Variants in DHDDS observed in about 807,000 individuals in gnomAD.
DHDDS encodes the protein dehydrodolichyl diphosphate synthase complex subunit DHDDS.
DHDDS carries 16 observed loss-of-function variants against 46.2 expected under a neutral mutation model. That is an observed-to-expected ratio of 0.35 (90% CI 0.23 to 0.53). The LOEUF is 0.53. Ranked by LOEUF, DHDDS falls within the 20% of genes least tolerant of loss-of-function variation. The pLI is 0.94. For synonymous variants in DHDDS, 151 were observed against 163.1 expected, an observed-to-expected ratio of 0.93 and a Z score of 0.56; for missense variants, 340 against 423.7, an observed-to-expected ratio of 0.80 and a Z score of 1.73.
At chr1:26,468,260 T>G (rs1485596042) in intron 8 of DHDDS, among the ~76,000 whole-genome samples, 1 of 152,126 alleles carries the variant, frequency 6.6e-6, no homozygotes, top group Non-Finnish European at 1.5e-5. Flanking sequence ...ATCAGGCTGG[T>G]CTTCATACAG....
Position 26,470,967 on chromosome 1 carries a change from T to C in DHDDS, c.*1836T>C, listed in dbSNP as rs2075550690. The C allele has an allele frequency of 6.6e-6, 1 of 152,458 alleles. No individual in the cohort carries two copies. Among genetic ancestry groups the C allele is most frequent in the South Asian group, 2.1e-4 (1 of 4,834 alleles). 9.4% of individuals were successfully genotyped at this position (152,458 alleles called of 1,614,324 possible). On this transcript the variant is annotated 3_prime_UTR_variant, in exon 9 of 9. Coordinates refer to ENST00000236342, the MANE Select transcript of DHDDS (RefSeq NM_205861.3). ...ATTGGGGTACAGTAGAGGTGATTAATGGGGCTGGCATCTCTCTTTGGCCTG... is the reference window on the plus strand; with the variant it reads ...ATTGGGGTACAGTAGAGGTGATTAACGGGGCTGGCATCTCTCTTTGGCCTG...
intron 8 of DHDDS, among the ~76,000 whole-genome samples, chr1:26,468,160 A>G (rs532944305): frequency 6.6e-6 from 1 of 152,270 alleles, no homozygotes; most frequent in South Asian, 2.1e-4. Flanking sequence ...GAACACTAAC[A>G]CTTATTCTAC....
rs928446379 is a variant in DHDDS at position 26,468,984 on chromosome 1, G to T, written c.855G>T (p.Gly285=). The part of the protein sequence containing the change: ...ATVTEQLLRE[G]LQASGDAQLR... Reference sequence around the variant, plus strand: ...TGACAGAGCAGCTGCTGCGAGAGGGGCTCCAAGCCAGTGGGGACGCCCAGC... The same window carrying T: ...TGACAGAGCAGCTGCTGCGAGAGGGTCTCCAAGCCAGTGGGGACGCCCAGC... Residue 285 remains glycine (G), a synonymous_variant, in exon 9 of 9, where the codon GGG becomes GGT. Transcript: ENST00000236342. 3 of 1,614,152 alleles carry T rather than the reference G, an allele frequency of 1.9e-6. No homozygotes were observed. Among genetic ancestry groups the T allele is most frequent in the South Asian group, 2.2e-5 (2 of 91,080 alleles).
intron 6 of DHDDS, among the ~76,000 whole-genome samples, chr1:26,451,820 G>A (rs555418935): frequency 2.0e-5 from 3 of 151,744 alleles, no homozygotes; most frequent in East Asian, 3.9e-4. Flanking sequence ...TAGTAGAGAC[G>A]GGTTTCACCA....
At chr1:26,468,723 T>A (rs1384754874) in intron 8 of DHDDS, among the ~76,000 whole-genome samples, 172 bp from the exon 9 acceptor site, 1 of 152,120 alleles carries the variant, frequency 6.6e-6, no homozygotes, top group Admixed American at 6.5e-5. Context: ...CTGTACAACA[T>A]GAGCACCACC....
chr1:26,468,819 C>CCCAAACA, intron 8 of DHDDS, 76 bp from the exon 9 acceptor site: 1 of 1,518,804 alleles, frequency 6.6e-7, no homozygotes, highest in Non-Finnish European at 9.0e-7. Context: ...GTGCCCCACC[C>CCCAAACA]CCTACCTCCT....
At chr1:26,457,469 CAAATAAAT>C (rs578033799) in intron 6 of DHDDS, among the ~76,000 whole-genome samples, 2 of 142,500 alleles carry the variant, frequency 1.4e-5, no homozygotes, top group African/African-American at 2.6e-5. Flanking sequence ...GACTCTATCT[CAAATAAAT>C]AAATAAATAA....
At chr1:26,460,954 A>G (rs974487659) in intron 8 of DHDDS, among the ~76,000 whole-genome samples, 1 of 151,630 alleles carries the variant, frequency 6.6e-6, no homozygotes, top group Non-Finnish European at 1.5e-5. Flanking sequence ...GCTCACTGCA[A>G]CCTCCCCCTC....
At chr1:26,438,940 T>C (rs1186126633) in intron 3 of DHDDS, among the ~76,000 whole-genome samples, 1 of 152,208 alleles carries the variant, frequency 6.6e-6, no homozygotes, top group Non-Finnish European at 1.5e-5. Context: ...ATTTTGGTTT[T>C]GTTTATTTGT....
At chr1:26,447,245 A>C (rs975752788) in intron 5 of DHDDS, among the ~76,000 whole-genome samples, 1 of 152,114 alleles carries the variant, frequency 6.6e-6, no homozygotes, top group African/African-American at 2.4e-5. Context: ...GCTTGAACCC[A>C]GGAGGCAGAG....
At chr1:26,467,785 G>A (rs2075507521) in intron 8 of DHDDS, among the ~76,000 whole-genome samples, 1 of 152,212 alleles carries the variant, frequency 6.6e-6, no homozygotes, top group East Asian at 1.9e-4. Flanking sequence ...CTCACACATG[G>A]AATAGGTTTG....
chr1:26,438,353 C>A, intron 3 of DHDDS, 69 bp downstream of exon 3: 1 of 1,416,580 alleles, frequency 7.1e-7, no homozygotes, highest in Non-Finnish European at 1.0e-6. Context: ...GAAAACCAGG[C>A]TCTGAGTTTG....
chr1:26,460,113 TGCAGTTCCA>T lies in DHDDS; in HGVS notation c.736_744del (p.Gln246_Gln248del). ...TTTTGGAACCTCTTCGAGGCCATCCTGCAGTTCCAGATGAACCATAGCGTGCTTCAGGTA... is the reference window on the plus strand; with the variant it reads ...TTTTGGAACCTCTTCGAGGCCATCCTGATGAACCATAGCGTGCTTCAGGTA... On this transcript the variant is annotated inframe_deletion, in exon 8 of 9. Coordinates refer to ENST00000236342, the MANE Select transcript of DHDDS (RefSeq NM_205861.3). The T allele has an allele frequency of 6.2e-7, 1 of 1,614,198 alleles. No individual in the cohort carries two copies.
At position 26,437,341 on chromosome 1, in the gene DHDDS, C is replaced by T. The variant is rs116505724; in HGVS notation, c.64-827C>T. Among the ~76,000 whole-genome samples, 582 of 152,238 alleles carry T rather than the reference C, an allele frequency of 3.8e-3. 1 individual carries two copies. The highest frequency in any genetic ancestry group is 0.013 in the African/African-American group (536 of 41,548). ...TGGCATGTAGTACGTGCTCAGTAAA[C>T]ACGTAAATAAAAATAAGTAGGCCAG... On this transcript the variant is annotated intron_variant, in intron 2 of 8. Coordinates refer to ENST00000236342, the MANE Select transcript of DHDDS (RefSeq NM_205861.3).
At chr1:26,448,193 CTTTTTTTTTT>C (rs11300095) in intron 6 of DHDDS, 1 of 121,318 alleles carries the variant, frequency 8.2e-6, no homozygotes, top group Non-Finnish European at 1.7e-5. Flanking sequence ...TTTTTCTTTT[CTTTTTTTTTT>C]TTTTTTTTGG....
chr1:26,440,818 C>T (rs963581666), intron 3 of DHDDS, among the ~76,000 whole-genome samples: 1 of 152,130 alleles, frequency 6.6e-6, no homozygotes, highest in Non-Finnish European at 1.5e-5. Context: ...CTGTTGTCTA[C>T]GTTTAACCTC....
At chr1:26,467,886 G>A (rs1379908457) in intron 8 of DHDDS, among the ~76,000 whole-genome samples, 1 of 152,218 alleles carries the variant, frequency 6.6e-6, no homozygotes, top group Non-Finnish European at 1.5e-5. Context: ...CCTTGGTTCT[G>A]CTCCAAAGGG....
At chr1:26,450,521 G>A (rs1167818373) in intron 6 of DHDDS, among the ~76,000 whole-genome samples, 2 of 152,168 alleles carry the variant, frequency 1.3e-5, no homozygotes, top group African/African-American at 2.4e-5. Context: ...TTTACTGGCT[G>A]GGTAGAGGAG....
chr1:26,437,475 C>CTT (rs1274583292), intron 2 of DHDDS, among the ~76,000 whole-genome samples: 2 of 144,396 alleles, frequency 1.4e-5, no homozygotes. Context: ...AACACACCAT[C>CTT]TTTTTTTTTT....
Sources: gnomAD v4.1 joint callset for allele counts (sites outside exome capture counted in the v4.1 genomes callset) on GRCh38, gnomAD v4.1.1 for gene constraint, MANE v1.5 for transcripts, NCBI Gene and HGNC (gene_info 2026-07-23, HGNC 2026-07-21) for gene names.